DDHD2: variants seen among roughly 807,000 people sequenced by gnomAD.
The protein encoded by DDHD2 is DDHD domain containing 2.
In DDHD2, 62 loss-of-function variants were observed where a neutral mutation model predicts 91.2. The observed-to-expected ratio is 0.68, with a 90% confidence interval of 0.55 to 0.84. DDHD2 has a LOEUF of 0.84. Among genes scored for constraint, DDHD2 ranks in the 40% least tolerant of loss-of-function variants. The pLI is 0.00. For missense variants in DDHD2, 740 were observed against 846.9 expected (o/e 0.87, Z 1.57); for synonymous variants, 271 against 293.9 (o/e 0.92, Z 0.80).
downstream of DDHD2, chr8:38,264,747 T>G (rs1415654072): frequency 1.4e-6 from 2 of 1,450,252 alleles, no homozygotes; most frequent in Non-Finnish European, 1.8e-6. Context: ...GATTTCTAAA[T>G]AAAATCTTTT....
chr8:38,268,794 C>G, intron 1 of DDHD2: 1 of 1,447,530 alleles, frequency 6.9e-7, no homozygotes, highest in Non-Finnish European at 9.1e-7. Flanking sequence ...TGGGTCCCTA[C>G]AAAGGCCGTC....
chr8:38,254,721 A>T (rs1252351462), intron 16 of DDHD2, among the ~76,000 whole-genome samples: 1 of 151,912 alleles, frequency 6.6e-6, no homozygotes, highest in Non-Finnish European at 1.5e-5. Context: ...GAATGGATTA[A>T]TGATGCTTAT....
chr8:38,268,261 T>G (rs1397497824), intron 1 of DDHD2: 4 of 1,125,734 alleles, frequency 3.6e-6, no homozygotes, highest in Admixed American at 5.0e-5. Flanking sequence ...AGAGTTCCTT[T>G]AGGAATGCAG....
In DDHD2 at chr8:38,269,117, CTT is replaced by C. The variant is rs770861235; in HGVS notation, n.88-2003_88-2002del. 7 of 1,525,074 alleles carry C rather than the reference CTT, an allele frequency of 4.6e-6. No homozygotes were observed. In the South Asian group the frequency reaches 8.4e-5, roughly 18 times the overall value. The allele number at this position is 1,525,074 out of a possible 1,614,324, so 94.5% of individuals were successfully genotyped here. ...GGGCCGCCCGGGCCCGGCCGTGGAT[CTT>C]TCTTACAGGAAGGCCGCGAACAGCG... On this transcript the variant is annotated intron_variant and non_coding_transcript_variant, in intron 1 of 1. Coordinates refer to the DDHD2 transcript ENST00000526071.
downstream of DDHD2, chr8:38,267,074 A>T: frequency 7.0e-7 from 1 of 1,436,346 alleles, no homozygotes; most frequent in African/African-American, 1.4e-5. Flanking sequence ...AAGGTAAACT[A>T]CCTTTCTGTT....
Position 38,247,784 on chromosome 8 carries a change from C to G in DDHD2, c.1197C>G (p.Leu399=). The change falls in exon 10 of 18, where the codon CTC becomes CTG. Residue 399 remains leucine, a synonymous_variant. Coordinates refer to ENST00000397166, the MANE Select transcript of DDHD2 (RefSeq NM_015214.3). The part of the protein sequence containing the change: ...TLEEDLKKLQ[L]SEFFDIFEKE... ...AGGAAGATTTGAAGAAACTTCAGCT[C>G]TCTGAATTCTTTGATATCTTTGAGA... 6.3e-7 allele frequency: 1 copy of G among 1,585,364 alleles called. No homozygotes were observed. Among genetic ancestry groups the G allele is most frequent in the Admixed American group, 1.8e-5 (1 of 55,066 alleles).
downstream of DDHD2, chr8:38,263,989 G>C: frequency 3.0e-6 from 3 of 986,002 alleles, no homozygotes; most frequent in Non-Finnish European, 3.6e-6. Context: ...CCTCAAGATA[G>C]ATGAGCAGGG....
chr8:38,247,801 T>A lies in DDHD2; in HGVS notation c.1214T>A (p.Ile405Asn). The A allele has an allele frequency of 6.3e-7, 1 of 1,583,770 alleles. No homozygotes were observed. The highest frequency in any genetic ancestry group is 1.2e-5 in the South Asian group (1 of 85,446). Residue 405 changes from isoleucine (I) to asparagine (N), a missense_variant, in exon 10 of 18, where the codon ATC becomes AAC. Physicochemically the swap from Ile to Asn is moderately radical, Grantham distance 149. Around this residue, in one of 2 missense-constraint regions of DDHD2, gnomAD observed 693 missense variants for 764.2 expected, o/e 0.91. Transcript: ENST00000397166. ...KKLQLSEFFD[I>N]FEKEKVDKEA... ...CTTCAGCTCTCTGAATTCTTTGATA[T>A]CTTTGAGAAGGAGAAAGTAGATAAG...
chr8:38,238,839 G>A (rs573345410), intron 5 of DDHD2: 1 of 383,652 alleles, frequency 2.6e-6, no homozygotes, highest in East Asian at 1.6e-4. Context: ...ATATACTTAG[G>A]AAATACACAT....
chr8:38,269,124 A>T (rs1435053555), intron 1 of DDHD2: 1 of 1,523,286 alleles, frequency 6.6e-7, no homozygotes, highest in South Asian at 1.2e-5. Context: ...GATCTTTCTT[A>T]CAGGAAGGCC....
In DDHD2 at chr8:38,238,100, T is replaced by A; in HGVS notation, c.513T>A (p.His171Gln). The change falls in exon 5 of 18, where the codon CAT becomes CAA. Residue 171 changes from histidine to glutamine, a missense_variant. Transcript: ENST00000397166. Reference sequence around the variant, plus strand: ...CTGTTCTGTTTAAGCTTATGGTGCATTACCAGCCAGTTGCAGGGTCTGATG... The same window carrying A: ...CTGTTCTGTTTAAGCTTATGGTGCAATACCAGCCAGTTGCAGGGTCTGATG... ...IILHNPKLMV[H>Q]YQPVAGSDDW... 3 of 1,610,706 alleles carry A rather than the reference T, an allele frequency of 1.9e-6. No homozygotes were observed. The highest frequency in any genetic ancestry group is 1.7e-6 in the Non-Finnish European group (2 of 1,179,008).
intron 15 of DDHD2, 46 bp from the exon 16 acceptor site, chr8:38,253,509 GA>G (rs761877347): frequency 6.4e-7 from 1 of 1,566,412 alleles, no homozygotes; most frequent in Non-Finnish European, 8.7e-7. Flanking sequence ...GGATAACCCT[GA>G]AGGCCAAAAG....
chr8:38,234,992 G>T (rs1485153200), intron 3 of DDHD2, among the ~76,000 whole-genome samples: 3 of 151,938 alleles, frequency 2.0e-5, no homozygotes, highest in Non-Finnish European at 4.4e-5. Context: ...TGTTTGGGTA[G>T]TATTTTTTTT....
At chr8:38,268,306 G>A (rs757752128) in intron 1 of DDHD2, 16 of 1,409,996 alleles carry the variant, frequency 1.1e-5, no homozygotes, top group Non-Finnish European at 1.6e-5. Flanking sequence ...CACCGTGGCT[G>A]AATCCCACAA....
At chr8:38,240,747 G>T (rs531442333) in intron 6 of DDHD2, among the ~76,000 whole-genome samples, 25 of 152,162 alleles carry the variant, frequency 1.6e-4, no homozygotes, top group Non-Finnish European at 3.5e-4. Flanking sequence ...GTAATTGGAG[G>T]ATTTAAGTCA....
Position 38,252,211 on chromosome 8 carries a change from C to T in DDHD2, c.1541C>T (p.Thr514Ile). The T allele has an allele frequency of 6.2e-7, 1 of 1,614,194 alleles. No individual in the cohort carries two copies. The highest frequency in any genetic ancestry group is 8.5e-7 in the Non-Finnish European group (1 of 1,180,028). ...AFGSPIGMFL[T>I]VRGLKRIDPN... ...GGATCTCCCATTGGAATGTTCCTTACTGTCCGAGGACTAAAAAGAATTGAT... is the reference window on the plus strand; with the variant it reads ...GGATCTCCCATTGGAATGTTCCTTATTGTCCGAGGACTAAAAAGAATTGAT... Residue 514 changes from threonine (T) to isoleucine (I), a missense_variant, in exon 13 of 18, where the codon ACT becomes ATT. Around this residue, in one of 2 missense-constraint regions of DDHD2, gnomAD observed 693 missense variants for 764.2 expected, o/e 0.91. Transcript: ENST00000397166.
rs1806995189 is a variant in DDHD2, at chr8:38,261,209, A to G, written c.*636A>G. 1.3e-5 allele frequency: 2 copies of G among 152,230 alleles called. No individual in the cohort carries two copies. The highest frequency in any genetic ancestry group is 1.3e-4 in the Admixed American group (2 of 15,278). The allele number at this position is 152,230 out of a possible 1,614,324, so 9.4% of individuals were successfully genotyped here. A position where few individuals can be genotyped will look rare whatever the true frequency, so the allele number is the denominator to read the frequency against. On this transcript the variant is annotated 3_prime_UTR_variant, in exon 18 of 18. Transcript: ENST00000397166. The stretch of plus-strand genomic sequence containing the variant: ...ACTGACAGACTTATTGCCAGAAATC[A>G]CTGATGTTCATTGTTTTTGCAACTG...
intron 2 of DDHD2, among the ~76,000 whole-genome samples, chr8:38,233,980 A>C (rs1212415203): frequency 6.6e-6 from 1 of 151,966 alleles, no homozygotes; most frequent in Non-Finnish European, 1.5e-5. Context: ...TGGGGTGCAG[A>C]AGAATGAACT....
At chr8:38,263,998 G>C (rs183861658), downstream of DDHD2, 277 of 986,096 alleles carry the variant, frequency 2.8e-4, 1 homozygote, top group African/African-American at 4.2e-3. Context: ...AGATGAGCAG[G>C]GGCAAAAGTG....
Sources: allele counts gnomAD v4.1 joint callset (sites outside exome capture counted in the v4.1 genomes callset), GRCh38; gene constraint gnomAD v4.1.1; regional missense constraint gnomAD v4.1.1; transcripts MANE v1.5; gene names NCBI Gene and HGNC (gene_info 2026-07-23, HGNC 2026-07-21).